The following HMGCLL1 variants were observed in gnomAD, a reference collection of about 807,000 sequenced individuals.
HMGCLL1 encodes 3-hydroxymethyl-3-methylglutaryl-CoA lyase, cytoplasmic.
HMGCLL1 carries 36 observed loss-of-function variants against 39.1 expected under a neutral mutation model. That is an observed-to-expected ratio of 0.92 (90% confidence interval 0.71 to 1.22). HMGCLL1 has a LOEUF of 1.22. HMGCLL1 is among the 50% of genes most tolerant of loss of function. HMGCLL1 has a pLI of 0.00. For missense variants in HMGCLL1, 451 were observed against 416.5 expected (o/e 1.08, Z -0.72); for synonymous variants, 149 against 144.0 (o/e 1.03, Z -0.25).
chr6:55,611,010 G>A, the HMGCLL1 span, among the ~76,000 whole-genome samples: 1 of 152,138 alleles, frequency 6.6e-6, no homozygotes, highest in African/African-American at 2.4e-5. Context: ...ATAATTGGAA[G>A]TAAAACACTC....
chr6:55,584,034 C>T (rs1772028860), upstream of HMGCLL1, among the ~76,000 whole-genome samples: 3 of 152,036 alleles, frequency 2.0e-5, no homozygotes, highest in South Asian at 6.2e-4. Context: ...ACTTACATGG[C>T]CATTTGCTTA....
intron 7 of HMGCLL1, among the ~76,000 whole-genome samples, chr6:55,481,329 C>G (rs1161631819): frequency 6.6e-6 from 1 of 151,750 alleles, no homozygotes; most frequent in Non-Finnish European, 1.5e-5. Context: ...AGTGAGCTAT[C>G]CAGCCTGGGT....
In HMGCLL1 at chr6:55,543,105, GATATA is replaced by G. The variant is rs1769581588; in HGVS notation, c.109-970_109-966del. Among the ~76,000 whole-genome samples, 2 of 14,330 alleles carry G rather than the reference GATATA, an allele frequency of 1.4e-4. 1 individual carries two copies. The highest frequency in any genetic ancestry group is 4.4e-3 in the South Asian group (2 of 450). 9.4% of individuals were successfully genotyped at this position (14,330 alleles called of 152,430 possible). ...GTGTGATATATATAATATAATATATGATATAATATATAATATATATCATATATATG... is the reference window on the plus strand; with the variant it reads ...GTGTGATATATATAATATAATATATGATATATAATATATATCATATATATG... On this transcript the variant is annotated intron_variant, in intron 1 of 8. Transcript: ENST00000274901.
At chr6:55,470,980 A>T (rs1765019987) in intron 7 of HMGCLL1, among the ~76,000 whole-genome samples, 1 of 151,198 alleles carries the variant, frequency 6.6e-6, no homozygotes, top group Non-Finnish European at 1.5e-5. Context: ...GATTATAATT[A>T]GAGATGAGAT....
intron 7 of HMGCLL1, among the ~76,000 whole-genome samples, chr6:55,478,853 AT>A (rs146054242): frequency 0.15 from 21,996 of 148,626 alleles, 2,029 homozygotes; most frequent in Non-Finnish European, 0.2. Context: ...ATTTCACATC[AT>A]TTTTTTTTTC....
the HMGCLL1 span, among the ~76,000 whole-genome samples, chr6:55,626,332 A>G: frequency 1.3e-5 from 2 of 152,226 alleles, no homozygotes; most frequent in East Asian, 1.9e-4. Flanking sequence ...GCCTCTGACC[A>G]GCGCACTCAC....
the HMGCLL1 span, among the ~76,000 whole-genome samples, chr6:55,623,569 C>A: frequency 6.6e-6 from 1 of 151,502 alleles, no homozygotes; most frequent in Non-Finnish European, 1.5e-5. Flanking sequence ...TATATACACA[C>A]ACCACAATGG....
At chr6:55,459,600 C>T (rs1334394602) in intron 7 of HMGCLL1, among the ~76,000 whole-genome samples, 1 of 152,018 alleles carries the variant, frequency 6.6e-6, no homozygotes, top group African/African-American at 2.4e-5. Flanking sequence ...TGGTACAAGT[C>T]TCCCAAAACA....
At chr6:55,663,323 T>C in the HMGCLL1 span, among the ~76,000 whole-genome samples, 2 of 150,162 alleles carry the variant, frequency 1.3e-5, no homozygotes, top group African/African-American at 4.8e-5. Flanking sequence ...GTGTATATAG[T>C]GCTATAAATT....
chr6:55,511,645 G>A (rs1767468220), intron 5 of HMGCLL1, among the ~76,000 whole-genome samples: 1 of 152,046 alleles, frequency 6.6e-6, no homozygotes, highest in African/African-American at 2.4e-5. Context: ...AGCATCTACT[G>A]CAGTTTCAAC....
At chr6:55,499,096 T>G (rs888267624) in intron 6 of HMGCLL1, 140 bp downstream of exon 6, 12 of 562,540 alleles carry the variant, frequency 2.1e-5, no homozygotes, top group Non-Finnish European at 3.4e-5. Flanking sequence ...ATTAGTTAAG[T>G]GATCAAATAT....
chr6:55,580,220 G>T (rs9370439), upstream of HMGCLL1, among the ~76,000 whole-genome samples: 2 of 150,638 alleles, frequency 1.3e-5, no homozygotes, highest in Admixed American at 6.6e-5. Flanking sequence ...GTGGGGGTTT[G>T]GGGGGTGGGC....
intron 1 of HMGCLL1, among the ~76,000 whole-genome samples, chr6:55,576,081 T>C (rs191188237): frequency 1.3e-5 from 2 of 152,306 alleles, no homozygotes; most frequent in African/African-American, 4.8e-5. Flanking sequence ...AGTTTTACTA[T>C]GCTTAATATC....
intron 6 of HMGCLL1, among the ~76,000 whole-genome samples, chr6:55,498,062 A>G (rs1256306159): frequency 6.6e-6 from 1 of 152,156 alleles, no homozygotes; most frequent in Non-Finnish European, 1.5e-5. Context: ...TTCCTGTTAC[A>G]TGACTCTGCA....
At chr6:55,629,614 AC>A in the HMGCLL1 span, among the ~76,000 whole-genome samples, 1 of 152,060 alleles carries the variant, frequency 6.6e-6, no homozygotes, top group Non-Finnish European at 1.5e-5. Context: ...TTCACAGCAG[AC>A]CCTCCCATCA....
chr6:55,450,816 G>A (rs562596453), intron 7 of HMGCLL1, among the ~76,000 whole-genome samples: 1 of 152,282 alleles, frequency 6.6e-6, no homozygotes, highest in East Asian at 1.9e-4. Flanking sequence ...ACAAGGAGGT[G>A]AGCCAGGAAA....
At chr6:55,539,396 T>A (rs1344321254) in intron 3 of HMGCLL1, among the ~76,000 whole-genome samples, 1 of 152,148 alleles carries the variant, frequency 6.6e-6, no homozygotes, top group African/African-American at 2.4e-5. Flanking sequence ...ATGTGAATGT[T>A]CATTGCAGCA....
intron 3 of HMGCLL1, among the ~76,000 whole-genome samples, chr6:55,522,027 G>A (rs1768067314): frequency 1.3e-5 from 2 of 152,114 alleles, no homozygotes; most frequent in African/African-American, 4.8e-5. Flanking sequence ...AACGGAGAAA[G>A]TTTGAGTGGT....
chr6:55,478,853 A>ATT (rs146054242), intron 7 of HMGCLL1, among the ~76,000 whole-genome samples: 3 of 148,592 alleles, frequency 2.0e-5, no homozygotes, highest in African/African-American at 7.5e-5. Flanking sequence ...ATTTCACATC[A>ATT]TTTTTTTTTT....
Sources: gnomAD v4.1 joint callset for allele counts (sites outside exome capture counted in the v4.1 genomes callset) on GRCh38, gnomAD v4.1.1 for gene constraint, MANE v1.5 for transcripts, NCBI Gene and HGNC (gene_info 2026-07-23, HGNC 2026-07-21) for gene names.